ROBO2: variants seen among roughly 807,000 people sequenced by gnomAD.
The protein encoded by ROBO2 is roundabout homolog 2.
ROBO2 carries 53 observed loss-of-function variants against 160.8 expected under a neutral mutation model. The observed-to-expected ratio is 0.33, with a 90% confidence interval of 0.26 to 0.41. The LOEUF is 0.41. Among genes scored for constraint, ROBO2 ranks in the 10% least tolerant of loss-of-function variants. ROBO2 has a pLI of 1.00. For missense variants in ROBO2, 1,577 were observed against 1,722.4 expected, an observed-to-expected ratio of 0.92 and a Z score of 1.49; for synonymous variants, 664 against 611.7, an observed-to-expected ratio of 1.09 and a Z score of -1.26.
intron 2 of ROBO2, among the ~76,000 whole-genome samples, chr3:77,390,224 T>G (rs1560701879): frequency 6.6e-6 from 1 of 152,138 alleles, no homozygotes; most frequent in Non-Finnish European, 1.5e-5. Flanking sequence ...GTAGGTAACC[T>G]GTAAATTGGT....
intron 2 of ROBO2, among the ~76,000 whole-genome samples, chr3:77,443,260 T>C (rs1015156519): frequency 6.6e-6 from 1 of 152,150 alleles, no homozygotes; most frequent in African/African-American, 2.4e-5. Context: ...TTCAAATAAT[T>C]CTCATACAAT....
chr3:77,462,629 A>G (rs2082360999), intron 2 of ROBO2, among the ~76,000 whole-genome samples: 1 of 152,182 alleles, frequency 6.6e-6, no homozygotes, highest in Non-Finnish European at 1.5e-5. Context: ...CCGTCAATAT[A>G]CTTTTTCTTT....
chr3:77,305,447 T>C (rs953606260), intron 2 of ROBO2, among the ~76,000 whole-genome samples: 2 of 152,164 alleles, frequency 1.3e-5, no homozygotes, highest in Admixed American at 6.5e-5. Context: ...ACATCAGCAA[T>C]CTAAGCTGAC....
At chr3:76,393,088 T>A (rs547517065) in intron 2 of ROBO2, among the ~76,000 whole-genome samples, 1 of 152,206 alleles carries the variant, frequency 6.6e-6, no homozygotes, top group Non-Finnish European at 1.5e-5. Flanking sequence ...TATTGTTCTA[T>A]ACTAACAGTA....
chr3:77,619,306 C>T (rs1404622460), intron 22 of ROBO2, among the ~76,000 whole-genome samples: 8 of 152,168 alleles, frequency 5.3e-5, no homozygotes, highest in Non-Finnish European at 1.2e-4. Context: ...ATACCAAGTA[C>T]AAGTTTCAAG....
At chr3:77,505,912 T>G in intron 5 of ROBO2, among the ~76,000 whole-genome samples, 1 of 152,184 alleles carries the variant, frequency 6.6e-6, no homozygotes, top group East Asian at 1.9e-4. Flanking sequence ...AATAATGGCA[T>G]AAACTAATTT....
At chr3:76,559,396 T>C (rs2084012265) in intron 2 of ROBO2, among the ~76,000 whole-genome samples, 1 of 152,210 alleles carries the variant, frequency 6.6e-6, no homozygotes, top group African/African-American at 2.4e-5. Context: ...CAGTGGTGCA[T>C]TGCAATCAAT....
intron 2 of ROBO2, among the ~76,000 whole-genome samples, chr3:77,409,103 G>GTATATGTA (rs2076494358): frequency 7.7e-6 from 1 of 129,656 alleles, no homozygotes; most frequent in Non-Finnish European, 1.7e-5. Context: ...ATATATATAT[G>GTATATGTA]TATATATATA....
At chr3:77,244,051 T>G (rs1580325108) in intron 2 of ROBO2, among the ~76,000 whole-genome samples, 1 of 152,334 alleles carries the variant, frequency 6.6e-6, no homozygotes, top group African/African-American at 2.4e-5. Context: ...GCCATAGTAG[T>G]AAAACAATGG....
At chr3:76,444,655 AT>A (rs2077082392) in intron 2 of ROBO2, among the ~76,000 whole-genome samples, 1 of 152,182 alleles carries the variant, frequency 6.6e-6, no homozygotes, top group Non-Finnish European at 1.5e-5. Context: ...CACCTCCATG[AT>A]TCAATGACCT....
chr3:76,596,426 G>C (rs886266275), intron 2 of ROBO2, among the ~76,000 whole-genome samples: 16 of 152,056 alleles, frequency 1.1e-4, no homozygotes, highest in African/African-American at 3.9e-4. Flanking sequence ...GAATCCAGTG[G>C]GATGTGTTTT....
At chr3:76,538,173 A>ACACACG (rs1414826315) in intron 2 of ROBO2, among the ~76,000 whole-genome samples, 2 of 151,830 alleles carry the variant, frequency 1.3e-5, no homozygotes, top group Non-Finnish European at 2.9e-5. Context: ...ACACACACAC[A>ACACACG]CACACACACA....
At position 77,361,738 on chromosome 3, in the gene ROBO2, A is replaced by G. The variant is rs184798346; in HGVS notation, c.389-115676A>G. On this transcript the variant is annotated intron_variant, in intron 2 of 25. Coordinates refer to ENST00000461745, the Ensembl canonical transcript of ROBO2. ...CCCTTGGCCCCGACCTCTTAGTACT[A>G]TAGCAGTGGGGATTAAGTTTCCAAC... Among the ~76,000 whole-genome samples, 102 of 152,260 alleles carry G rather than the reference A, an allele frequency of 6.7e-4. No individual in the cohort carries two copies. In the Middle Eastern group the frequency reaches 0.017, roughly 25 times the overall value.
intron 2 of ROBO2, among the ~76,000 whole-genome samples, chr3:76,680,199 T>C (rs1049242458): frequency 6.6e-6 from 1 of 152,144 alleles, no homozygotes; most frequent in Non-Finnish European, 1.5e-5. Flanking sequence ...ATACTTTCAA[T>C]ATCAACCAAA....
At chr3:77,493,382 G>A in exon 5 of ROBO2, 1 of 1,613,556 alleles carries the variant, frequency 6.2e-7, no homozygotes. Context: ...CCAAGAGGAA[G>A]GTAAGACCAA....
intron 2 of ROBO2, among the ~76,000 whole-genome samples, chr3:76,518,858 C>T (rs2081465003): frequency 6.6e-6 from 1 of 152,084 alleles, no homozygotes; most frequent in Non-Finnish European, 1.5e-5. Flanking sequence ...CAGTCTTTGG[C>T]CATAGGGATC....
intron 2 of ROBO2, among the ~76,000 whole-genome samples, chr3:77,283,003 A>C (rs1226528510): frequency 6.6e-6 from 1 of 152,078 alleles, no homozygotes; most frequent in Non-Finnish European, 1.5e-5. Context: ...TGAGAATTTA[A>C]ATGTCAATTA....
At chr3:77,490,123 C>T (rs1404216979) in intron 4 of ROBO2, among the ~76,000 whole-genome samples, 4 of 131,880 alleles carry the variant, frequency 3.0e-5, no homozygotes, top group Non-Finnish European at 3.2e-5. Flanking sequence ...TTTTTTGGGA[C>T]GGAGTCTCGC....
chr3:77,000,170 C>T (rs902579580), intron 2 of ROBO2, among the ~76,000 whole-genome samples: 1 of 152,122 alleles, frequency 6.6e-6, no homozygotes, highest in Non-Finnish European at 1.5e-5. Context: ...AGAACATTCC[C>T]CTTGGAAATA....
Sources: allele counts gnomAD v4.1 joint callset (sites outside exome capture counted in the v4.1 genomes callset), GRCh38; gene constraint gnomAD v4.1.1; transcripts MANE v1.5; gene names NCBI Gene and HGNC (gene_info 2026-07-23, HGNC 2026-07-21).